Variants in SLC9C1 observed in about 807,000 individuals in gnomAD.
The protein encoded by SLC9C1 is solute carrier family 9 member C1.
In SLC9C1, 97 loss-of-function variants were observed where a neutral mutation model predicts 140.9. That is an observed-to-expected ratio of 0.69 (90% CI 0.58 to 0.82). The LOEUF is 0.82. SLC9C1 is among the 40% of genes least tolerant of loss of function. The probability of loss-of-function intolerance (pLI) is 0.00; values close to 1 mark genes in which losing one functional copy is unlikely to be tolerated. For missense variants in SLC9C1, 1,340 were observed against 1,389.3 expected (o/e 0.96, Z 0.56); for synonymous variants, 440 against 442.6 (o/e 0.99, Z 0.07).
In SLC9C1 at chr3:112,168,940, T is replaced by C; in HGVS notation, c.3174A>G (p.Val1058=). 6.2e-7 allele frequency: 1 copy of C among 1,610,636 alleles called. No individual in the cohort carries two copies. Among genetic ancestry groups the C allele is most frequent in the Non-Finnish European group, 8.5e-7 (1 of 1,179,092 alleles). Residue 1058 remains valine, a synonymous_variant, in exon 25 of 29, where the codon GTA becomes GTG. Transcript: ENST00000305815. ...LIYVILIHGA[V]EDCLLRKTYR... is the part of the protein sequence containing the mutation. ...AAGTTTTTCGTAACAGACAATCTTC[T>C]ACAGCTCCATGTATGAGGATAACAT...
chr3:112,154,624 A>G (rs758829913), intron 27 of SLC9C1, among the ~76,000 whole-genome samples: 8 of 152,196 alleles, frequency 5.3e-5, no homozygotes, highest in Non-Finnish European at 1.0e-4. Context: ...AAAGATCCCA[A>G]ATGCATAGCT....
At chr3:112,175,736 G>C (rs753878274) in intron 23 of SLC9C1, among the ~76,000 whole-genome samples, 3 of 152,200 alleles carry the variant, frequency 2.0e-5, no homozygotes, top group African/African-American at 7.2e-5. Context: ...CTTCTCCATA[G>C]TACTGCTGAG....
At chr3:112,230,015 T>C (rs1345004712) in intron 13 of SLC9C1, among the ~76,000 whole-genome samples, 2 of 152,150 alleles carry the variant, frequency 1.3e-5, no homozygotes, top group Non-Finnish European at 1.5e-5. Flanking sequence ...TACAGACAAA[T>C]GTTTGTAAAA....
chr3:112,251,527 C>T (rs909902229), intron 10 of SLC9C1, among the ~76,000 whole-genome samples: 11 of 152,146 alleles, frequency 7.2e-5, no homozygotes, highest in Non-Finnish European at 7.4e-5. Context: ...AGATTAGACT[C>T]CTGAACGTAC....
In SLC9C1 at chr3:112,206,297, A is replaced by T. The variant is rs558265276; in HGVS notation, c.1986+1881T>A. Among the ~76,000 whole-genome samples, 5 of 152,260 alleles carry T rather than the reference A, an allele frequency of 3.3e-5. No homozygotes were observed. In the South Asian group the frequency reaches 1.0e-3, roughly 32 times the overall value. ...AGAAATGCAAATCAAAACCACAGTG[A>T]GATAACATCTCACACCAGTTAGAAT... On this transcript the variant is annotated intron_variant, in intron 16 of 28. Coordinates refer to ENST00000305815, the MANE Select transcript of SLC9C1 (RefSeq NM_183061.3).
intron 10 of SLC9C1, among the ~76,000 whole-genome samples, chr3:112,261,214 G>A (rs1188649579): frequency 6.6e-6 from 1 of 152,036 alleles, no homozygotes; most frequent in Non-Finnish European, 1.5e-5. Context: ...TGGAAAGTAA[G>A]TCTGATATCC....
At chr3:112,229,108 T>G (rs562371333) in intron 13 of SLC9C1, among the ~76,000 whole-genome samples, 1 of 152,068 alleles carries the variant, frequency 6.6e-6, no homozygotes, top group African/African-American at 2.4e-5. Flanking sequence ...CACTCATATA[T>G]GGAAGCTATA....
chr3:112,278,340 C>T (rs2108339802), intron 4 of SLC9C1, among the ~76,000 whole-genome samples: 1 of 152,190 alleles, frequency 6.6e-6, no homozygotes, highest in African/African-American at 2.4e-5. Context: ...TTCTTCTCTG[C>T]TTTTATTCTC....
chr3:112,189,005 T>C (rs1326647983), intron 20 of SLC9C1, among the ~76,000 whole-genome samples: 1 of 152,256 alleles, frequency 6.6e-6, no homozygotes, highest in Non-Finnish European at 1.5e-5. Flanking sequence ...CATTTTTTCA[T>C]GTATCTGTTG....
At chr3:112,221,333 G>T in intron 13 of SLC9C1, 108 bp from the exon 14 acceptor site, 1 of 892,636 alleles carries the variant, frequency 1.1e-6, no homozygotes, top group Non-Finnish European at 1.7e-6. Flanking sequence ...AATCAATCTA[G>T]TCTGTTTGTA....
In SLC9C1 at chr3:112,270,061, AC is replaced by A. The variant is rs2080029334; in HGVS notation, c.629del (p.Gly210ValfsTer8). ...RNHTLAEEIV[G>X]GICSYIIASF... Reference sequence around the variant, plus strand: ...TTGCTATAATATATGAACAAATTCCACCCACGATCTCTTCAGCTACAAGAAA... The same window carrying A: ...TTGCTATAATATATGAACAAATTCCACCACGATCTCTTCAGCTACAAGAAA... On this transcript the variant is annotated frameshift_variant, in exon 7 of 29. Coordinates refer to ENST00000305815, the MANE Select transcript of SLC9C1 (RefSeq NM_183061.3). LOFTEE classifies it high-confidence loss of function. 1 of 1,563,762 alleles carries A rather than the reference AC, an allele frequency of 6.4e-7. No homozygotes were observed. Among genetic ancestry groups the A allele is most frequent in the Non-Finnish European group, 8.6e-7 (1 of 1,158,496 alleles).
At chr3:112,230,162 G>T (rs2108164914) in intron 13 of SLC9C1, among the ~76,000 whole-genome samples, 1 of 152,146 alleles carries the variant, frequency 6.6e-6, no homozygotes, top group South Asian at 2.1e-4. Flanking sequence ...TGAAATCCTG[G>T]TCTAGATGTT....
intron 16 of SLC9C1, among the ~76,000 whole-genome samples, chr3:112,207,252 T>C (rs1251978016): frequency 6.6e-6 from 1 of 152,200 alleles, no homozygotes; most frequent in Non-Finnish European, 1.5e-5. Context: ...GGAAATTGGG[T>C]TTCCATTGAA....
chr3:112,158,441 T>C (rs908658423), intron 26 of SLC9C1, among the ~76,000 whole-genome samples: 3 of 152,094 alleles, frequency 2.0e-5, no homozygotes, highest in Non-Finnish European at 4.4e-5. Context: ...TTGAGGATTT[T>C]TGCATCTCTG....
intron 5 of SLC9C1, among the ~76,000 whole-genome samples, chr3:112,276,017 C>G (rs986103903): frequency 6.6e-6 from 1 of 152,042 alleles, no homozygotes; most frequent in Non-Finnish European, 1.5e-5. Flanking sequence ...CAAATGAGGC[C>G]ATCCTGGATC....
At chr3:112,231,158 C>G (rs1560099061) in intron 13 of SLC9C1, among the ~76,000 whole-genome samples, 2 of 95,930 alleles carry the variant, frequency 2.1e-5, no homozygotes, top group South Asian at 4.9e-4. Context: ...TTCTTTCTTT[C>G]TTTCTCTTTC....
intron 20 of SLC9C1, among the ~76,000 whole-genome samples, chr3:112,195,953 C>T (rs1257670207): frequency 6.6e-6 from 1 of 152,044 alleles, no homozygotes; most frequent in Non-Finnish European, 1.5e-5. Context: ...TACAATAATA[C>T]TAGCTTTTAT....
intron 28 of SLC9C1, chr3:112,151,634 C>G: frequency 1.9e-6 from 1 of 529,376 alleles, no homozygotes; most frequent in Non-Finnish European, 3.4e-6. Context: ...AGAGAGGAAA[C>G]CAGAATATTA....
At chr3:112,245,069 A>G (rs1228292155) in intron 10 of SLC9C1, among the ~76,000 whole-genome samples, 3 of 152,220 alleles carry the variant, frequency 2.0e-5, no homozygotes, top group African/African-American at 7.2e-5. Context: ...AATTTCTCTA[A>G]TGCTCCTTCC....
Sources: gnomAD v4.1 joint callset for allele counts (sites outside exome capture counted in the v4.1 genomes callset) on GRCh38, gnomAD v4.1.1 for gene constraint, MANE v1.5 for transcripts, NCBI Gene and HGNC (gene_info 2026-07-23, HGNC 2026-07-21) for gene names.